ZNF385D: variants seen among roughly 807,000 people sequenced by gnomAD.
ZNF385D encodes the protein zinc finger protein 385D.
A neutral mutation model predicts 35.8 loss-of-function variants in ZNF385D; 15 were observed. That is an observed-to-expected ratio of 0.42 (90% CI 0.28 to 0.64). The LOEUF (loss-of-function observed/expected upper bound fraction) is 0.64, where lower values mean the gene tolerates loss of function less well. Ranked by LOEUF, ZNF385D falls within the 30% of genes least tolerant of loss-of-function variation. The probability of loss-of-function intolerance (pLI) is 0.23; values close to 1 mark genes in which losing one functional copy is unlikely to be tolerated. For missense variants in ZNF385D, 474 were observed against 494.6 expected (o/e 0.96, Z 0.39); for synonymous variants, 212 against 186.8 (o/e 1.13, Z -1.10).
intron 3 of ZNF385D, among the ~76,000 whole-genome samples, chr3:21,894,182 A>G (rs1016184233): frequency 3.3e-5 from 5 of 152,164 alleles, no homozygotes; most frequent in African/African-American, 1.2e-4. Context: ...TTTCCTTTGA[A>G]CAACATAACA....
At chr3:21,949,818 G>C (rs771681186) in intron 3 of ZNF385D, among the ~76,000 whole-genome samples, 102 of 151,968 alleles carry the variant, frequency 6.7e-4, no homozygotes, top group Non-Finnish European at 1.1e-3. Flanking sequence ...TTGGTTTTCT[G>C]TTCCAGTGTT....
At chr3:22,293,861 G>C (rs1369328458) in intron 2 of ZNF385D, among the ~76,000 whole-genome samples, 1 of 152,082 alleles carries the variant, frequency 6.6e-6, no homozygotes. Context: ...AATCCCTCCA[G>C]GTAATTTTCA....
Position 22,315,452 on chromosome 3 carries a change from T to A in ZNF385D, c.106+56998A>T, listed in dbSNP as rs549392243. On this transcript the variant is annotated intron_variant, in intron 2 of 5. Coordinates refer to the ZNF385D transcript ENST00000494108. Reference sequence around the variant, plus strand: ...AGGATGAGCTACGCAGAGAATAGATTACACAGTTTATGTTACACAAAGACA... The same window carrying A: ...AGGATGAGCTACGCAGAGAATAGATAACACAGTTTATGTTACACAAAGACA... Among the ~76,000 whole-genome samples the A allele has an allele frequency of 2.6e-5, 4 of 152,294 alleles. No individual in the cohort carries two copies. The South Asian group carries it at 8.3e-4, about 32-fold the overall frequency.
At chr3:22,123,478 T>C (rs1484725990) in intron 3 of ZNF385D, among the ~76,000 whole-genome samples, 1 of 152,170 alleles carries the variant, frequency 6.6e-6, no homozygotes, top group Non-Finnish European at 1.5e-5. Context: ...ATGCATTACC[T>C]CAAGCATTTA....
intron 3 of ZNF385D, among the ~76,000 whole-genome samples, chr3:21,810,351 T>C (rs2072861054): frequency 1.4e-5 from 2 of 146,442 alleles, no homozygotes; most frequent in Non-Finnish European, 3.0e-5. Context: ...AAAAAAACTA[T>C]ACATGTGTGT....
intron 2 of ZNF385D, among the ~76,000 whole-genome samples, chr3:22,268,891 G>C (rs1701031901): frequency 6.6e-6 from 1 of 151,854 alleles, no homozygotes; most frequent in South Asian, 2.1e-4. Flanking sequence ...GTGGGGGTGG[G>C]GGAGAATGGG....
At chr3:21,649,094 T>C (rs2065837108) in intron 2 of ZNF385D, among the ~76,000 whole-genome samples, 2 of 152,174 alleles carry the variant, frequency 1.3e-5, no homozygotes, top group African/African-American at 4.8e-5. Context: ...TGGACAGGCA[T>C]TGTCAGCTTT....
At chr3:21,955,692 CAT>C (rs1263189220) in intron 3 of ZNF385D, among the ~76,000 whole-genome samples, 3 of 152,110 alleles carry the variant, frequency 2.0e-5, no homozygotes, top group Non-Finnish European at 2.9e-5. Flanking sequence ...AATTAACCCA[CAT>C]GTTATAAAAT....
At chr3:21,809,683 T>A (rs549313595) in intron 3 of ZNF385D, among the ~76,000 whole-genome samples, 1 of 150,920 alleles carries the variant, frequency 6.6e-6, no homozygotes, top group East Asian at 1.9e-4. Flanking sequence ...TACACACATA[T>A]ATACCTATAT....
intron 2 of ZNF385D, among the ~76,000 whole-genome samples, chr3:21,653,275 C>T (rs370432363): frequency 3.3e-5 from 5 of 152,108 alleles, no homozygotes; most frequent in Admixed American, 6.5e-5. Context: ...TAGATCTTAA[C>T]ATGTGTATAT....
chr3:22,205,910 G>C (rs1697119028), intron 2 of ZNF385D, among the ~76,000 whole-genome samples: 1 of 151,952 alleles, frequency 6.6e-6, no homozygotes, highest in Non-Finnish European at 1.5e-5. Context: ...TTGCTTATAA[G>C]TAATAGCATT....
intron 2 of ZNF385D, among the ~76,000 whole-genome samples, chr3:21,569,219 G>C (rs1370505344): frequency 6.7e-6 from 1 of 150,262 alleles, no homozygotes; most frequent in Non-Finnish European, 1.5e-5. Flanking sequence ...AGGTCACTCA[G>C]GACTTGCTTT....
chr3:21,944,377 C>A (rs957757350), intron 3 of ZNF385D, among the ~76,000 whole-genome samples: 1 of 152,092 alleles, frequency 6.6e-6, no homozygotes, highest in East Asian at 1.9e-4. Context: ...GGGTTTATAC[C>A]CTTTGGGCAG....
chr3:21,807,014 GTTCAT>G lies in ZNF385D; in HGVS notation c.326-141991_326-141987del, dbSNP rs1214598454. Among the ~76,000 whole-genome samples the G allele has an allele frequency of 2.6e-5, 4 of 152,260 alleles. No homozygotes were observed. The East Asian group carries it at 7.7e-4, about 29-fold the overall frequency. On this transcript the variant is annotated intron_variant, in intron 3 of 5. Transcript: ENST00000494108. ...CTCTTATTTTTCTGATTTGAATCCAGTTCATTTCATATTTCACACTATTATGGGAA... is the reference window on the plus strand; with the variant it reads ...CTCTTATTTTTCTGATTTGAATCCAGTTCATATTTCACACTATTATGGGAA...
chr3:21,709,969 A>G (rs574309287), intron 1 of ZNF385D, among the ~76,000 whole-genome samples: 1 of 152,342 alleles, frequency 6.6e-6, no homozygotes, highest in East Asian at 1.9e-4. Context: ...ATAAAAAGGA[A>G]CGAGTTATTG....
intron 3 of ZNF385D, among the ~76,000 whole-genome samples, chr3:22,066,216 GAA>G (rs1182358985): frequency 2.0e-5 from 3 of 151,946 alleles, no homozygotes; most frequent in Admixed American, 6.6e-5. Flanking sequence ...GCTCAGAAAA[GAA>G]AAGAGAGACT....
chr3:21,770,176 C>A (rs572440025), intron 3 of ZNF385D, among the ~76,000 whole-genome samples: 1 of 151,938 alleles, frequency 6.6e-6, no homozygotes. Flanking sequence ...CATAGGCATG[C>A]GCAAGGACTT....
chr3:22,333,594 G>A (rs1446253111), intron 2 of ZNF385D, among the ~76,000 whole-genome samples: 1 of 151,672 alleles, frequency 6.6e-6, no homozygotes, highest in Non-Finnish European at 1.5e-5. Context: ...TATTTTTTCA[G>A]CCCTAAAATC....
intron 2 of ZNF385D, among the ~76,000 whole-genome samples, chr3:22,265,947 C>T (rs1292746335): frequency 1.2e-4 from 18 of 151,824 alleles, no homozygotes; most frequent in Admixed American, 1.2e-3. Flanking sequence ...GACTCTAAAA[C>T]TTGTTTCTTT....
Sources: gnomAD v4.1 joint callset for allele counts (sites outside exome capture counted in the v4.1 genomes callset) on GRCh38, gnomAD v4.1.1 for gene constraint, MANE v1.5 for transcripts, NCBI Gene and HGNC (gene_info 2026-07-23, HGNC 2026-07-21) for gene names.